The following SRGAP3 variants were observed in gnomAD, a reference collection of about 807,000 sequenced individuals.
SRGAP3 encodes SLIT-ROBO Rho GTPase-activating protein 3.
A neutral mutation model predicts 121.1 loss-of-function variants in SRGAP3; 39 were observed. The ratio of observed to expected loss-of-function variants is 0.32; its 90% confidence interval spans 0.25 to 0.42. SRGAP3 has a LOEUF of 0.42. Among genes scored for constraint, SRGAP3 ranks in the 10% least tolerant of loss-of-function variants. The probability of loss-of-function intolerance (pLI) is 1.00; values close to 1 mark genes in which losing one functional copy is unlikely to be tolerated. For synonymous variants in SRGAP3, 601 were observed against 570.0 expected (o/e 1.05, Z -0.77); for missense variants, 1,213 against 1,470.6 (o/e 0.82, Z 2.86).
chr3:9,028,743 A>T (rs1381240072), intron 12 of SRGAP3, among the ~76,000 whole-genome samples: 1 of 152,006 alleles, frequency 6.6e-6, no homozygotes, highest in African/African-American at 2.4e-5. Flanking sequence ...CGTACACCCT[A>T]AGTTGCTTTT....
Position 9,117,973 on chromosome 3 carries a change from T to TG in SRGAP3, c.260+6751_260+6752insC, listed in dbSNP as rs984378156. 1.1e-4 allele frequency among the ~76,000 whole-genome samples: 16 copies of TG among 152,146 alleles called. No homozygotes were observed. The East Asian group carries it at 2.1e-3, about 20-fold the overall frequency. On this transcript the variant is annotated intron_variant, in intron 2 of 21. Coordinates refer to ENST00000383836, the MANE Select transcript of SRGAP3 (RefSeq NM_014850.4). The stretch of plus-strand genomic sequence containing the variant: ...TGCCTCTACAAAAAAATAATTCATT[T>TG]TTTTTTTTAAATTTCAGATGTGGTG...
At chr3:9,224,548 C>A (rs1308467988) in intron 1 of SRGAP3, among the ~76,000 whole-genome samples, 1 of 152,172 alleles carries the variant, frequency 6.6e-6, no homozygotes, top group African/African-American at 2.4e-5. Context: ...CCAAAATTGC[C>A]ACAATTCACA....
intron 13 of SRGAP3, among the ~76,000 whole-genome samples, chr3:9,025,609 C>A (rs1944158512): frequency 6.6e-6 from 1 of 152,196 alleles, no homozygotes; most frequent in Non-Finnish European, 1.5e-5. Context: ...CAATACCTTT[C>A]CTTCCCTGTA....
intron 11 of SRGAP3, chr3:9,034,749 G>C (rs1196298368): frequency 6.6e-6 from 1 of 152,140 alleles, no homozygotes; most frequent in Non-Finnish European, 1.5e-5. Flanking sequence ...GAGGATGTAT[G>C]TATGTGGGGT....
chr3:9,208,801 T>C (rs1952348663), intron 1 of SRGAP3, among the ~76,000 whole-genome samples: 2 of 152,238 alleles, frequency 1.3e-5, no homozygotes. Context: ...TGTATGATGT[T>C]GAGCAAGTTG....
At chr3:9,187,519 G>A (rs1951633832) in intron 1 of SRGAP3, among the ~76,000 whole-genome samples, 1 of 152,072 alleles carries the variant, frequency 6.6e-6, no homozygotes, top group Admixed American at 6.6e-5. Flanking sequence ...CACAAATCGA[G>A]CAGTCTTACC....
At chr3:9,285,095 T>C (rs1230014093) in intron 3 of SRGAP3, among the ~76,000 whole-genome samples, 1 of 151,646 alleles carries the variant, frequency 6.6e-6, no homozygotes, top group Non-Finnish European at 1.5e-5. Flanking sequence ...GTTAGGGGAG[T>C]GAAGAGGACA....
rs1342707972 is a variant in SRGAP3, at chr3:8,984,762, C to T, written c.*757G>A. 3 of 232,074 alleles carry T rather than the reference C, an allele frequency of 1.3e-5. No homozygotes were observed. In the East Asian group the frequency reaches 1.8e-4, roughly 14 times the overall value. The allele number at this position is 232,074 out of a possible 1,614,324, so 14.4% of individuals were successfully genotyped here. ...TGGGGATTTCCTATGAAGGGTTCCC[C>T]ACCTCTGGGAGCAGCCTGCTTGGGG... On this transcript the variant is annotated 3_prime_UTR_variant, in exon 22 of 22. Transcript: ENST00000383836.
chr3:9,362,299 G>A (rs1173270883), intron 1 of SRGAP3, among the ~76,000 whole-genome samples: 3 of 146,048 alleles, frequency 2.1e-5, no homozygotes, highest in Non-Finnish European at 4.5e-5. Flanking sequence ...AAGTAGCTAG[G>A]ACTACAGGTG....
At chr3:9,093,461 T>C (rs1226771530) in intron 3 of SRGAP3, among the ~76,000 whole-genome samples, 3 of 152,058 alleles carry the variant, frequency 2.0e-5, no homozygotes, top group African/African-American at 7.2e-5. Context: ...ATCCATCCTT[T>C]CTTTCATCCA....
rs114684357 is a variant in SRGAP3, at chr3:9,201,588, T to G, written c.67+47297A>C. Among the ~76,000 whole-genome samples the G allele has an allele frequency of 3.3e-3, 501 of 152,320 alleles. 2 individuals are homozygous for G. Among genetic ancestry groups the G allele is most frequent in the African/African-American group, 0.012 (489 of 41,558 alleles). ...ACCAGTCCACTTGCCTTCAGGACCCTATAACCGGTTCCTTCCTAACTAGGG... is the reference window on the plus strand; with the variant it reads ...ACCAGTCCACTTGCCTTCAGGACCCGATAACCGGTTCCTTCCTAACTAGGG... On this transcript the variant is annotated intron_variant, in intron 1 of 21. Transcript: ENST00000383836.
At chr3:9,343,666 T>A (rs901966457) in intron 1 of SRGAP3, among the ~76,000 whole-genome samples, 1 of 152,204 alleles carries the variant, frequency 6.6e-6, no homozygotes, top group South Asian at 2.1e-4. Flanking sequence ...CATACTCTTA[T>A]ATGCTCTACT....
chr3:9,360,516 T>C (rs538018059), intron 1 of SRGAP3, among the ~76,000 whole-genome samples: 2 of 152,302 alleles, frequency 1.3e-5, no homozygotes, highest in South Asian at 4.1e-4. Context: ...CGTGTATTAG[T>C]CCATTTTCAC....
At chr3:9,280,418 T>G (rs1040628147) in intron 3 of SRGAP3, among the ~76,000 whole-genome samples, 1 of 152,228 alleles carries the variant, frequency 6.6e-6, no homozygotes, top group African/African-American at 2.4e-5. Flanking sequence ...CCCATCTCTT[T>G]GCAAACTTCT....
At chr3:9,203,980 C>A (rs547264809) in intron 1 of SRGAP3, among the ~76,000 whole-genome samples, 242 of 152,270 alleles carry the variant, frequency 1.6e-3, no homozygotes, top group African/African-American at 5.3e-3. Context: ...CCCATTCCCC[C>A]ACGCCCCACC....
intron 1 of SRGAP3, among the ~76,000 whole-genome samples, chr3:9,214,156 A>T (rs1952540515): frequency 6.6e-6 from 1 of 151,962 alleles, no homozygotes; most frequent in South Asian, 2.1e-4. Flanking sequence ...ACACACACAC[A>T]CAAGAATATA....
intron 2 of SRGAP3, among the ~76,000 whole-genome samples, chr3:9,122,527 G>A (rs753417281): frequency 2.7e-4 from 41 of 152,036 alleles, no homozygotes; most frequent in Non-Finnish European, 5.3e-4. Context: ...GGCTAACATG[G>A]TGAAACCCCG....
In SRGAP3 at chr3:9,015,583, T is replaced by G; in HGVS notation, c.1813+14A>C. 6.2e-7 allele frequency: 1 copy of G among 1,613,932 alleles called. No individual in the cohort carries two copies. The highest frequency in any genetic ancestry group is 8.5e-7 in the Non-Finnish European group (1 of 1,179,960). The stretch of plus-strand genomic sequence containing the variant: ...TTGTCAAAAAACTGATCATTTCACC[T>G]GGGAAATACTTACTAATAGTAGATA... On this transcript the variant is annotated intron_variant, in intron 15 of 21. Coordinates refer to ENST00000383836, the MANE Select transcript of SRGAP3 (RefSeq NM_014850.4).
intron 2 of SRGAP3, among the ~76,000 whole-genome samples, chr3:9,108,233 A>G (rs534178724): frequency 4.3e-4 from 66 of 152,276 alleles, no homozygotes; most frequent in African/African-American, 1.4e-3. Flanking sequence ...CCCAGGACCC[A>G]TCCAAGACAA....
Sources: gnomAD v4.1 joint callset for allele counts (sites outside exome capture counted in the v4.1 genomes callset) on GRCh38, gnomAD v4.1.1 for gene constraint, MANE v1.5 for transcripts, NCBI Gene and HGNC (gene_info 2026-07-23, HGNC 2026-07-21) for gene names.